The following ZSWIM6 variants were observed in gnomAD, a reference collection of about 807,000 sequenced individuals.
ZSWIM6 encodes the protein zinc finger SWIM-type containing 6.
In ZSWIM6, 9 loss-of-function variants were observed where a neutral mutation model predicts 113.2. The ratio of observed to expected loss-of-function variants is 0.08; its 90% CI spans 0.05 to 0.14. ZSWIM6 has a LOEUF of 0.14. Ranked by LOEUF, ZSWIM6 falls within the 10% of genes least tolerant of loss-of-function variation. The pLI, the probability that ZSWIM6 is intolerant of heterozygous loss-of-function variation, is 1.00. For synonymous variants in ZSWIM6, 611 were observed against 606.5 expected (o/e 1.01, Z -0.11); for missense variants, 1,162 against 1,552.2 (o/e 0.75, Z 4.22).
intron 5 of ZSWIM6, among the ~76,000 whole-genome samples, chr5:61,524,285 C>A (rs1024537373): frequency 6.6e-6 from 1 of 152,008 alleles, no homozygotes; most frequent in Non-Finnish European, 1.5e-5. Context: ...TTCTCCCTTG[C>A]AGTTTCACTA....
At chr5:61,535,126 C>A (rs1402286557) in intron 9 of ZSWIM6, among the ~76,000 whole-genome samples, 4 of 152,146 alleles carry the variant, frequency 2.6e-5, no homozygotes, top group African/African-American at 9.7e-5. Flanking sequence ...ATTTACAAAT[C>A]AAGATGCTCT....
chr5:61,527,054 T>C (rs1374054506), intron 7 of ZSWIM6, among the ~76,000 whole-genome samples: 1 of 152,244 alleles, frequency 6.6e-6, no homozygotes, highest in Non-Finnish European at 1.5e-5. Flanking sequence ...TGACATTTGA[T>C]GAGCTGTCAG....
intron 1 of ZSWIM6, among the ~76,000 whole-genome samples, chr5:61,426,648 C>T (rs1437147026): frequency 6.6e-6 from 1 of 151,880 alleles, no homozygotes; most frequent in East Asian, 1.9e-4. Context: ...ATTCTAGATC[C>T]AGTTATGCAT....
intron 1 of ZSWIM6, among the ~76,000 whole-genome samples, chr5:61,438,643 T>C (rs2112144195): frequency 6.6e-6 from 1 of 152,344 alleles, no homozygotes; most frequent in Admixed American, 6.5e-5. Context: ...CTGTATATTA[T>C]GCAGAGATAT....
intron 2 of ZSWIM6, among the ~76,000 whole-genome samples, chr5:61,481,827 T>G: frequency 6.6e-6 from 1 of 152,176 alleles, no homozygotes. Flanking sequence ...TTGTTCTACT[T>G]CTTTTTCCAA....
At chr5:61,416,570 A>G (rs1746260436) in intron 1 of ZSWIM6, among the ~76,000 whole-genome samples, 2 of 152,234 alleles carry the variant, frequency 1.3e-5, no homozygotes, top group African/African-American at 4.8e-5. Flanking sequence ...CCAGGTGCTT[A>G]GGACCTCATG....
At chr5:61,414,266 C>T (rs1416173244) in intron 1 of ZSWIM6, among the ~76,000 whole-genome samples, 1 of 151,738 alleles carries the variant, frequency 6.6e-6, no homozygotes, top group Non-Finnish European at 1.5e-5. Flanking sequence ...ACATATCAGC[C>T]CAATTTAGTG....
At chr5:61,431,313 C>T (rs926124064) in intron 1 of ZSWIM6, among the ~76,000 whole-genome samples, 2 of 128,954 alleles carry the variant, frequency 1.6e-5, no homozygotes, top group Non-Finnish European at 3.1e-5. Flanking sequence ...GCAGAGGTTG[C>T]AGTGAGCCGA....
At chr5:61,392,045 A>G (rs1436401349) in intron 1 of ZSWIM6, among the ~76,000 whole-genome samples, 1 of 152,152 alleles carries the variant, frequency 6.6e-6, no homozygotes, top group African/African-American at 2.4e-5. Flanking sequence ...TTTGACATTG[A>G]AAATTTGATG....
chr5:61,348,257 G>A (rs912064594), intron 1 of ZSWIM6, among the ~76,000 whole-genome samples: 3 of 152,050 alleles, frequency 2.0e-5, no homozygotes, highest in African/African-American at 4.8e-5. Context: ...AAAAAAGAAT[G>A]TAGTTTGTAT....
intron 4 of ZSWIM6, among the ~76,000 whole-genome samples, chr5:61,514,124 G>A (rs1026426939): frequency 2.0e-5 from 3 of 152,182 alleles, no homozygotes; most frequent in Admixed American, 1.3e-4. Context: ...GCATTTTGTA[G>A]TTTTTAACAT....
intron 1 of ZSWIM6, among the ~76,000 whole-genome samples, chr5:61,361,236 T>C (rs757828264): frequency 2.0e-5 from 3 of 152,082 alleles, no homozygotes; most frequent in Non-Finnish European, 4.4e-5. Context: ...AGATTGGTAG[T>C]TACCTTTATT....
At chr5:61,469,909 G>T (rs544403997) in intron 1 of ZSWIM6, among the ~76,000 whole-genome samples, 1 of 152,046 alleles carries the variant, frequency 6.6e-6, no homozygotes, top group Non-Finnish European at 1.5e-5. Context: ...GGGTTTCAGC[G>T]TGTTAGCCAG....
intron 3 of ZSWIM6, among the ~76,000 whole-genome samples, chr5:61,493,365 C>T (rs1461525184): frequency 1.3e-5 from 2 of 152,100 alleles, no homozygotes; most frequent in Non-Finnish European, 2.9e-5. Context: ...GAAGGACTTG[C>T]ACAACTGCGA....
intron 1 of ZSWIM6, among the ~76,000 whole-genome samples, chr5:61,440,360 T>TG (rs780927639): frequency 2.7e-5 from 3 of 113,092 alleles, no homozygotes; most frequent in African/African-American, 1.0e-4. Context: ...TTCATTGGTG[T>TG]AAAAAAAAAA....
chr5:61,337,315 G>A (rs1744424082), intron 1 of ZSWIM6, among the ~76,000 whole-genome samples: 2 of 152,016 alleles, frequency 1.3e-5, no homozygotes, highest in Non-Finnish European at 2.9e-5. Flanking sequence ...AAAACGAGAT[G>A]CAAATAAAAA....
At chr5:61,522,801 T>C (rs2112263654) in intron 5 of ZSWIM6, among the ~76,000 whole-genome samples, 1 of 152,376 alleles carries the variant, frequency 6.6e-6, no homozygotes, top group African/African-American at 2.4e-5. Context: ...AGGGTATGCC[T>C]ACATCTACAT....
intron 1 of ZSWIM6, among the ~76,000 whole-genome samples, chr5:61,442,146 G>A (rs948481580): frequency 2.0e-5 from 3 of 152,056 alleles, no homozygotes; most frequent in Admixed American, 6.6e-5. Flanking sequence ...TTCAGATGTG[G>A]TGATCTGGTT....
At chr5:61,420,983 G>C (rs761639357) in intron 1 of ZSWIM6, among the ~76,000 whole-genome samples, 12 of 151,702 alleles carry the variant, frequency 7.9e-5, no homozygotes, top group Non-Finnish European at 1.6e-4. Flanking sequence ...GCAGTGGTGG[G>C]GTCTTGGATC....
Sources: gnomAD v4.1 joint callset for allele counts (sites outside exome capture counted in the v4.1 genomes callset) on GRCh38, gnomAD v4.1.1 for gene constraint, MANE v1.5 for transcripts, NCBI Gene and HGNC (gene_info 2026-07-23, HGNC 2026-07-21) for gene names.